TEK: variants seen among roughly 807,000 people sequenced by gnomAD.
TEK encodes angiopoietin-1 receptor.
A neutral mutation model predicts 131.8 loss-of-function variants in TEK; 43 were observed. The observed-to-expected ratio is 0.33, with a 90% CI of 0.26 to 0.42. TEK has a LOEUF of 0.42. TEK is among the 10% of genes least tolerant of loss of function. The pLI is 1.00. For missense variants in TEK, 1,162 were observed against 1,384.4 expected (o/e 0.84, Z 2.55); for synonymous variants, 580 against 491.6 (o/e 1.18, Z -2.38).
intron 21 of TEK, among the ~76,000 whole-genome samples, chr9:27,221,277 G>A (rs1054870739): frequency 2.0e-5 from 3 of 152,232 alleles, no homozygotes; most frequent in Admixed American, 1.3e-4. Context: ...ACAGCCAGGG[G>A]CTTATAGATA....
At chr9:27,151,344 G>T (rs936396402) in intron 1 of TEK, among the ~76,000 whole-genome samples, 1 of 152,154 alleles carries the variant, frequency 6.6e-6, no homozygotes, top group Non-Finnish European at 1.5e-5. Flanking sequence ...GAGGAATAGT[G>T]CTGGTAGTTC....
At position 27,229,378 on chromosome 9, in the gene TEK, C is replaced by T. The variant is rs1203883001; in HGVS notation, c.*146C>T. 6 of 767,152 alleles carry T rather than the reference C, an allele frequency of 7.8e-6. No homozygotes were observed. Among genetic ancestry groups the T allele is most frequent in the Non-Finnish European group, 1.2e-5 (5 of 430,726 alleles). 47.5% of individuals were successfully genotyped at this position (767,152 alleles called of 1,614,324 possible). On this transcript the variant is annotated 3_prime_UTR_variant, in exon 23 of 23. Transcript: ENST00000380036. ...CCTGGGACCTTCACCACTGTAGATCCCATGCATGGATCTATGTAGTATGCT... is the reference window on the plus strand; with the variant it reads ...CCTGGGACCTTCACCACTGTAGATCTCATGCATGGATCTATGTAGTATGCT...
In TEK at chr9:27,168,499, C is replaced by T. The variant is rs770932705; in HGVS notation, c.369C>T (p.Ser123=). ...IRTMKMRQQA[S]FLPATLTMTV... ...TTGTTTTCTCTCTTTTAAAAGCTTC[C>T]TTCCTACCAGCTACTTTAACTATGA... Residue 123 remains serine, a synonymous_variant, in exon 3 of 23, where the codon TCC becomes TCT. Transcript: ENST00000380036. 1.9e-5 allele frequency: 30 copies of T among 1,612,724 alleles called. No individual in the cohort carries two copies. In the Admixed American group the frequency reaches 4.8e-4, roughly 26 times the overall value.
In TEK at chr9:27,202,994, C is replaced by T. The variant is rs1327344153; in HGVS notation, c.2084C>T (p.Thr695Ile). ...VDVKIKNATITQYQLKGLEPE... is the reference protein window; with the variant it reads ...VDVKIKNATIIQYQLKGLEPE... The stretch of plus-strand genomic sequence containing the variant: ...GTGAAGATAAAGAATGCCACCATCA[C>T]TCAGTATCAGCTCAAGGGCCTAGAG... The change falls in exon 13 of 23, where the codon ACT becomes ATT. Residue 695 changes from threonine to isoleucine, a missense_variant. By Grantham distance (89) the Thr-to-Ile change is moderately conservative. Around this residue, in one of 6 missense-constraint regions of TEK, gnomAD observed 477 missense variants for 471.0 expected, o/e 1.01. Coordinates refer to ENST00000380036, the MANE Select transcript of TEK (RefSeq NM_000459.5). 3.1e-6 allele frequency: 5 copies of T among 1,614,116 alleles called. No individual in the cohort carries two copies. In the South Asian group the frequency reaches 5.5e-5, roughly 18 times the overall value.
chr9:27,166,908 T>A (rs1823751607), intron 2 of TEK, among the ~76,000 whole-genome samples: 1 of 152,176 alleles, frequency 6.6e-6, no homozygotes, highest in Admixed American at 6.5e-5. Context: ...TTTTTTCTCA[T>A]TTTATGTCTT....
chr9:27,139,322 ATTTTTTTT>A (rs1158698852), intron 1 of TEK, among the ~76,000 whole-genome samples: 4 of 86,922 alleles, frequency 4.6e-5, no homozygotes, highest in African/African-American at 1.9e-4. Context: ...AGCTTTAACA[ATTTTTTTT>A]TTTTTTTTTT....
In TEK at chr9:27,229,422, T is replaced by C. The variant is rs1826475045; in HGVS notation, c.*190T>C. 4.7e-6 allele frequency: 3 copies of C among 631,922 alleles called. No individual in the cohort carries two copies. Among genetic ancestry groups the C allele is most frequent in the Non-Finnish European group, 2.9e-6 (1 of 349,200 alleles). The allele number at this position is 631,922 out of a possible 1,614,324, so 39.1% of individuals were successfully genotyped here. A position where few individuals can be genotyped will look rare whatever the true frequency, so the allele number is the denominator to read the frequency against. ...GTATGCTCTGACTCTAATAGGACTG[T>C]ATATACTGTTTTAAGAATGGGCTGA... is the stretch of plus-strand genomic sequence containing the variant. On this transcript the variant is annotated 3_prime_UTR_variant, in exon 23 of 23. Transcript: ENST00000380036.
intron 1 of TEK, among the ~76,000 whole-genome samples, chr9:27,128,178 T>C (rs1306221179): frequency 1.3e-5 from 2 of 152,226 alleles, no homozygotes; most frequent in African/African-American, 4.8e-5. Flanking sequence ...GGGATCCAGT[T>C]TCAGCTTTCT....
intron 21 of TEK, among the ~76,000 whole-genome samples, chr9:27,226,301 G>C (rs1392380071): frequency 6.6e-6 from 1 of 152,254 alleles, no homozygotes. Flanking sequence ...TTGCAGCACT[G>C]TTCACAATAG....
intron 1 of TEK, among the ~76,000 whole-genome samples, chr9:27,145,402 C>T (rs1201539713): frequency 6.6e-6 from 1 of 152,196 alleles, no homozygotes; most frequent in African/African-American, 2.4e-5. Flanking sequence ...GCCGTCCTTC[C>T]TTCTAAGGGT....
At chr9:27,198,257 C>T (rs1424259109) in intron 12 of TEK, 1 of 160,546 alleles carries the variant, frequency 6.2e-6, no homozygotes, top group Non-Finnish European at 1.4e-5. Context: ...CTTGGCCACA[C>T]ACAACTACCA....
At chr9:27,130,186 A>G (rs1191745055) in intron 1 of TEK, among the ~76,000 whole-genome samples, 2 of 152,234 alleles carry the variant, frequency 1.3e-5, no homozygotes, top group African/African-American at 2.4e-5. Context: ...ACAGTGTTAC[A>G]GTTCCAGGAA....
chr9:27,146,363 G>C (rs1187413996), intron 1 of TEK, among the ~76,000 whole-genome samples: 2 of 152,160 alleles, frequency 1.3e-5, no homozygotes, highest in African/African-American at 4.8e-5. Context: ...CTGCCACTAA[G>C]AACAGCGATC....
intron 1 of TEK, among the ~76,000 whole-genome samples, chr9:27,118,594 C>T (rs1163647143): frequency 2.0e-5 from 3 of 152,158 alleles, no homozygotes; most frequent in Admixed American, 6.5e-5. Flanking sequence ...GTGATCATGC[C>T]GCTGCATTCC....
Position 27,197,384 on chromosome 9 carries a change from C to G in TEK, c.1694C>G (p.Pro565Arg), listed in dbSNP as rs780560474. Residue 565 changes from proline (P) to arginine (R), a missense_variant, in exon 12 of 23, where the codon CCA (proline) becomes CGA (arginine). This residue lies in a region of TEK where 477 missense variants were observed against 471.0 expected (regional missense o/e 1.01). Coordinates refer to ENST00000380036, the MANE Select transcript of TEK (RefSeq NM_000459.5). ...ACCACTCTAAATTTGACCTGGCAACCAATATTTCCAAGCTCGGAAGATGAC... is the reference window on the plus strand; with the variant it reads ...ACCACTCTAAATTTGACCTGGCAACGAATATTTCCAAGCTCGGAAGATGAC... ...SQTTLNLTWQ[P>R]IFPSSEDDFY... 27 of 1,613,992 alleles carry G rather than the reference C, an allele frequency of 1.7e-5. No individual in the cohort carries two copies. The highest frequency in any genetic ancestry group is 2.1e-5 in the Non-Finnish European group (25 of 1,180,018).
intron 1 of TEK, among the ~76,000 whole-genome samples, chr9:27,111,893 C>T (rs890673190): frequency 1.6e-5 from 2 of 126,344 alleles, no homozygotes; most frequent in African/African-American, 5.6e-5. Context: ...TACTGTGTCA[C>T]TTGACTTTTT....
At chr9:27,203,723 G>T (rs1825303447) in intron 13 of TEK, among the ~76,000 whole-genome samples, 1 of 152,220 alleles carries the variant, frequency 6.6e-6, no homozygotes, top group Admixed American at 6.5e-5. Flanking sequence ...CAGGAGGATT[G>T]ACTTCAAGTC....
chr9:27,210,222 C>G (rs534339777), intron 16 of TEK: 1 of 152,210 alleles, frequency 6.6e-6, no homozygotes, highest in East Asian at 1.9e-4. Flanking sequence ...TTCCTGAAAA[C>G]AGTAATGAGC....
In TEK at chr9:27,212,032, A is replaced by T. The variant is rs143618726; in HGVS notation, c.2687-675A>T. Among the ~76,000 whole-genome samples, 591 of 152,208 alleles carry T rather than the reference A, an allele frequency of 3.9e-3. 5 individuals carry two copies. The highest frequency in any genetic ancestry group is 0.013 in the African/African-American group (550 of 41,508). On this transcript the variant is annotated intron_variant, in intron 16 of 22. Transcript: ENST00000380036. ...GAGAGAGAAATGATGTGGAACAAAA[A>T]AGTGACAATGAACCATAAGTTTTTC...
Sources: allele counts gnomAD v4.1 joint callset (sites outside exome capture counted in the v4.1 genomes callset), GRCh38; gene constraint gnomAD v4.1.1; regional missense constraint gnomAD v4.1.1; transcripts MANE v1.5; gene names NCBI Gene and HGNC (gene_info 2026-07-23, HGNC 2026-07-21).